Variants in MLIP observed in about 807,000 individuals in gnomAD.
MLIP encodes muscular LMNA interacting protein, also known as muscular LMNA-interacting protein.
In MLIP, 79 loss-of-function variants were observed where a neutral mutation model predicts 84.8. The ratio of observed to expected loss-of-function variants is 0.93; its 90% CI spans 0.78 to 1.12. The LOEUF is 1.12. MLIP is among the 50% of genes most tolerant of loss of function. The pLI is 0.00. For missense variants in MLIP, 1,257 were observed against 1,160.6 expected (o/e 1.08, Z -1.21); for synonymous variants, 504 against 463.0 (o/e 1.09, Z -1.14).
chr6:54,190,134 T>G (rs1582450758), intron 10 of MLIP, among the ~76,000 whole-genome samples: 1 of 152,160 alleles, frequency 6.6e-6, no homozygotes, highest in South Asian at 2.1e-4. Flanking sequence ...GCTAGTAACT[T>G]ACATCCAAGT....
At chr6:54,130,030 G>C (rs1417275073) in intron 3 of MLIP, among the ~76,000 whole-genome samples, 1 of 152,048 alleles carries the variant, frequency 6.6e-6, no homozygotes, top group Admixed American at 6.6e-5. Flanking sequence ...TTCGTTTCGT[G>C]CTTAGGGTGA....
intron 12 of MLIP, among the ~76,000 whole-genome samples, chr6:54,247,603 A>G (rs979029634): frequency 1.3e-5 from 2 of 152,178 alleles, no homozygotes; most frequent in African/African-American, 2.4e-5. Context: ...AGCTTACACA[A>G]CTTTGAAGTG....
In MLIP at chr6:54,240,599, G is replaced by A. The variant is rs182417195; in HGVS notation, c.2922+9682G>A. ...TCTGTCTCTTCAGCTGTAATAGTAG[G>A]ACATTTAGTTCGGTTTCAAAACCCT... is the stretch of plus-strand genomic sequence containing the variant. On this transcript the variant is annotated intron_variant, in intron 12 of 13. Coordinates refer to ENST00000502396, the MANE Select transcript of MLIP (RefSeq NM_001281747.2). 2.1e-3 allele frequency among the ~76,000 whole-genome samples: 313 copies of A among 152,272 alleles called. 2 individuals carry two copies. The highest frequency in any genetic ancestry group is 7.2e-3 in the African/African-American group (299 of 41,562).
chr6:54,204,312 A>G (rs906535976), intron 11 of MLIP, among the ~76,000 whole-genome samples: 35 of 152,314 alleles, frequency 2.3e-4, no homozygotes, highest in African/African-American at 7.7e-4. Flanking sequence ...CTGTGGGGAA[A>G]ACATTTTTTT....
chr6:54,199,279 A>G (rs1280696146), intron 10 of MLIP, among the ~76,000 whole-genome samples: 2 of 152,166 alleles, frequency 1.3e-5, no homozygotes, highest in African/African-American at 4.8e-5. Context: ...AATCACAGGC[A>G]TGATGATCAC....
rs574959608 is a variant in MLIP, at chr6:54,212,685, T to C, written c.2718+10452T>C. Among the ~76,000 whole-genome samples, 20 of 152,310 alleles carry C rather than the reference T, an allele frequency of 1.3e-4. No homozygotes were observed. In the East Asian group the frequency reaches 3.7e-3, roughly 28 times the overall value. ...TTCACTTCCTGTTTGTATTGAGAAA[T>C]CATCAATATGATTTATTGTCATTAT... On this transcript the variant is annotated intron_variant, in intron 11 of 13. Coordinates refer to ENST00000502396, the MANE Select transcript of MLIP (RefSeq NM_001281747.2).
chr6:54,265,817 A>G (rs1418736410), intron 13 of MLIP, 133 bp from the exon 14 acceptor site: 2 of 742,328 alleles, frequency 2.7e-6, no homozygotes, highest in African/African-American at 1.8e-5. Flanking sequence ...GAATAAAAAT[A>G]AGCTTTTCCT....
intron 10 of MLIP, among the ~76,000 whole-genome samples, chr6:54,196,484 C>T (rs9474759): frequency 0.031 from 4,718 of 152,170 alleles, 217 homozygotes; most frequent in African/African-American, 0.11. Flanking sequence ...TGGCTTCCAG[C>T]TCCATTCATG....
At chr6:54,175,931 T>A (rs1316246164) in intron 9 of MLIP, among the ~76,000 whole-genome samples, 1 of 152,078 alleles carries the variant, frequency 6.6e-6, no homozygotes, top group Non-Finnish European at 1.5e-5. Flanking sequence ...TTTGAGAGTT[T>A]TTTAATCATG....
Position 54,137,157 on chromosome 6 carries a change from A to G in MLIP, c.1088A>G (p.Tyr363Cys). ...SASLKSNSAS[Y>C]IPVRIVTHSL... Reference sequence around the variant, plus strand: ...TCTCTGAAGTCGAATTCGGCCTCGTACATACCAGTCCGCATTGTCACGCAT... The same window carrying G: ...TCTCTGAAGTCGAATTCGGCCTCGTGCATACCAGTCCGCATTGTCACGCAT... The change falls in exon 4 of 14, where the codon TAC becomes TGC. Residue 363 changes from tyrosine (Y) to cysteine (C), a missense_variant. Transcript: ENST00000502396. 6.5e-7 allele frequency: 1 copy of G among 1,536,054 alleles called. No homozygotes were observed. The highest frequency in any genetic ancestry group is 8.7e-7 in the Non-Finnish European group (1 of 1,146,878).
At chr6:54,178,542 A>G (rs1318839936) in intron 9 of MLIP, among the ~76,000 whole-genome samples, 2 of 152,124 alleles carry the variant, frequency 1.3e-5, no homozygotes, top group African/African-American at 4.8e-5. Flanking sequence ...ACTTACAGCT[A>G]TAAATTTTAC....
At chr6:54,161,100 TG>T (rs924106050) in intron 8 of MLIP, among the ~76,000 whole-genome samples, 14 of 152,000 alleles carry the variant, frequency 9.2e-5, no homozygotes, top group African/African-American at 3.4e-4. Flanking sequence ...TATTAGGCTA[TG>T]TTTTTTTTTT....
intron 1 of MLIP, among the ~76,000 whole-genome samples, chr6:54,056,186 T>A (rs1454187011): frequency 6.6e-6 from 1 of 152,210 alleles, no homozygotes; most frequent in African/African-American, 2.4e-5. Flanking sequence ...GAACTAAAAC[T>A]CATCCATCAT....
chr6:54,181,537 C>A (rs759419461), intron 9 of MLIP, among the ~76,000 whole-genome samples: 44 of 152,162 alleles, frequency 2.9e-4, no homozygotes, highest in Non-Finnish European at 5.0e-4. Flanking sequence ...ACCTAAGGTG[C>A]AAGACAAAGT....
chr6:54,169,427 G>A (rs192757141), intron 8 of MLIP, 101 bp from the exon 9 acceptor site: 3 of 644,316 alleles, frequency 4.7e-6, no homozygotes, highest in Non-Finnish European at 7.4e-6. Flanking sequence ...GCAATGTTTA[G>A]AAAGTCTCAA....
intron 3 of MLIP, among the ~76,000 whole-genome samples, chr6:54,128,880 T>C (rs574552707): frequency 6.6e-6 from 1 of 152,250 alleles, no homozygotes; most frequent in South Asian, 2.1e-4. Flanking sequence ...TGGTAGGCTC[T>C]CAATAAATGA....
intron 12 of MLIP, among the ~76,000 whole-genome samples, chr6:54,239,203 A>G (rs1005594419): frequency 2.6e-5 from 4 of 151,152 alleles, no homozygotes; most frequent in Non-Finnish European, 5.9e-5. Flanking sequence ...CTTGCCCAGA[A>G]CCCCTCATAG....
intron 1 of MLIP, among the ~76,000 whole-genome samples, chr6:54,057,403 T>C (rs1345729086): frequency 2.0e-5 from 3 of 152,238 alleles, no homozygotes; most frequent in Admixed American, 2.0e-4. Flanking sequence ...ACTATTACAG[T>C]AAATTCACAA....
chr6:54,054,430 C>CAA lies in MLIP; in HGVS notation c.63+35356_63+35357dup, dbSNP rs60998933. Among the ~76,000 whole-genome samples, 1,022 of 131,246 alleles carry CAA rather than the reference C, an allele frequency of 7.8e-3. 8 individuals are homozygous for CAA. The highest frequency in any genetic ancestry group is 0.017 in the African/African-American group (583 of 34,230). The allele number at this position is 131,246 out of a possible 152,430, so 86.1% of individuals were successfully genotyped here. A position where few individuals can be genotyped will look rare whatever the true frequency, so the allele number is the denominator to read the frequency against. The stretch of plus-strand genomic sequence containing the variant: ...ATTAAGGACAGTGGGGAAAAAAAGG[C>CAA]AAAAAAAAAAAAAAAAAATGACGGG... On this transcript the variant is annotated intron_variant, in intron 1 of 12. Transcript: ENST00000274897.
Sources: allele counts gnomAD v4.1 joint callset (sites outside exome capture counted in the v4.1 genomes callset), GRCh38; gene constraint gnomAD v4.1.1; transcripts MANE v1.5; gene names NCBI Gene and HGNC (gene_info 2026-07-23, HGNC 2026-07-21).